The following ERBIN variants were observed in gnomAD, a reference collection of about 807,000 sequenced individuals.
The protein encoded by ERBIN is densin-180-like protein.
ERBIN carries 60 observed loss-of-function variants against 158.4 expected under a neutral mutation model. The observed-to-expected ratio is 0.38, with a 90% CI of 0.31 to 0.47. The LOEUF (loss-of-function observed/expected upper bound fraction) is 0.47, where lower values mean the gene tolerates loss of function less well. Among genes scored for constraint, ERBIN ranks in the 20% least tolerant of loss-of-function variants. The pLI, the probability that ERBIN is intolerant of heterozygous loss-of-function variation, is 0.99. For synonymous variants in ERBIN, 594 were observed against 557.2 expected (o/e 1.07, Z -0.93); for missense variants, 1,610 against 1,648.0 (o/e 0.98, Z 0.40).
chr5:65,981,757 G>A (rs1175133024), intron 1 of ERBIN, among the ~76,000 whole-genome samples: 2 of 152,148 alleles, frequency 1.3e-5, no homozygotes, highest in Non-Finnish European at 2.9e-5. Flanking sequence ...ATGTGAATCA[G>A]CATGTGGTCT....
chr5:66,014,229 C>T (rs1243194527), intron 6 of ERBIN, among the ~76,000 whole-genome samples: 1 of 152,140 alleles, frequency 6.6e-6, no homozygotes, highest in African/African-American at 2.4e-5. Flanking sequence ...ATCACTTAAT[C>T]TGCTCATTTT....
intron 23 of ERBIN, among the ~76,000 whole-genome samples, chr5:66,075,567 C>A (rs976594729): frequency 6.6e-6 from 1 of 152,068 alleles, no homozygotes; most frequent in African/African-American, 2.4e-5. Flanking sequence ...AATCTTAATT[C>A]CTTAGATTTT....
At chr5:66,034,721 G>A (rs1185046596) in intron 14 of ERBIN, among the ~76,000 whole-genome samples, 1 of 151,804 alleles carries the variant, frequency 6.6e-6, no homozygotes, top group African/African-American at 2.4e-5. Context: ...ACACAAATAT[G>A]AGTACAAATT....
chr5:66,051,618 A>C (rs762021427), intron 20 of ERBIN, among the ~76,000 whole-genome samples: 1 of 152,190 alleles, frequency 6.6e-6, no homozygotes, highest in Non-Finnish European at 1.5e-5. Flanking sequence ...TGGGCTGAGC[A>C]TGGTGGCTTA....
In ERBIN at chr5:65,926,899, C is replaced by G. The variant is rs1411248275; in HGVS notation, c.-58+93C>G. On this transcript the variant is annotated intron_variant, in intron 1 of 25. Coordinates refer to ENST00000284037, the MANE Select transcript of ERBIN (RefSeq NM_001253697.2). ...ATTCTTTAGTGTTTTTCACTCTTCT[C>G]CAAGTTGCCCTAAACCCTCCTTTTC... 5 of 152,078 alleles carry G rather than the reference C, an allele frequency of 3.3e-5. No individual in the cohort carries two copies. In the East Asian group the frequency reaches 9.6e-4, roughly 29 times the overall value. 9.4% of individuals were successfully genotyped at this position (152,078 alleles called of 1,614,324 possible).
At position 66,024,317 on chromosome 5, in the gene ERBIN, T is replaced by A; in HGVS notation, c.684T>A (p.Ser228Arg). The change falls in exon 10 of 26, where the codon AGT (serine) becomes AGA (arginine). Residue 228 changes from serine (S) to arginine (R), a missense_variant. Coordinates refer to ENST00000284037, the MANE Select transcript of ERBIN (RefSeq NM_001253697.2). ...TTTTTTACTTATAGTTTATTGGTAG[T>A]TTGAAACAGCTCACATATTTGGATG... The part of the protein sequence containing the change: ...RLTFIPGFIG[S>R]LKQLTYLDVS... The A allele has an allele frequency of 6.5e-7, 1 of 1,534,710 alleles. No homozygotes were observed. Among genetic ancestry groups the A allele is most frequent in the Non-Finnish European group, 8.9e-7 (1 of 1,125,046 alleles).
chr5:66,028,377 CTTA>C, intron 14 of ERBIN, 34 bp downstream of exon 14: 1 of 1,563,298 alleles, frequency 6.4e-7, no homozygotes, highest in Admixed American at 1.7e-5. Flanking sequence ...TAATGGAGTT[CTTA>C]TTTGTGTTAT....
At chr5:66,068,953 A>G (rs961301295) in intron 21 of ERBIN, 10 of 1,535,886 alleles carry the variant, frequency 6.5e-6, no homozygotes, top group East Asian at 4.9e-5. Flanking sequence ...AGGGATCTGC[A>G]TGGCAGCCAG....
intron 21 of ERBIN, among the ~76,000 whole-genome samples, chr5:66,060,362 AT>A (rs1760138286): frequency 6.6e-6 from 1 of 152,128 alleles, no homozygotes; most frequent in African/African-American, 2.4e-5. Context: ...GGTAGTTTGT[AT>A]TTCTGTGGGA....
At chr5:66,042,903 G>C (rs1337689153) in intron 15 of ERBIN, among the ~76,000 whole-genome samples, 174 bp from the exon 16 acceptor site, 2 of 152,092 alleles carry the variant, frequency 1.3e-5, no homozygotes, top group East Asian at 3.8e-4. Flanking sequence ...ATCTTACATG[G>C]ACATTATAAA....
At chr5:66,076,500 T>C in intron 24 of ERBIN, 92 bp downstream of exon 24, 3 of 1,008,300 alleles carry the variant, frequency 3.0e-6, no homozygotes, top group Non-Finnish European at 4.5e-6. Context: ...TAGATGTTTA[T>C]GTAAATCTAG....
intron 1 of ERBIN, among the ~76,000 whole-genome samples, chr5:65,929,961 A>G (rs1470159686): frequency 6.6e-6 from 1 of 152,022 alleles, no homozygotes; most frequent in African/African-American, 2.4e-5. Context: ...CCCATTTTTC[A>G]GATTCACTTT....
intron 1 of ERBIN, among the ~76,000 whole-genome samples, chr5:65,975,942 G>T (rs1166203569): frequency 2.0e-5 from 3 of 152,016 alleles, no homozygotes; most frequent in Non-Finnish European, 2.9e-5. Flanking sequence ...TCATAATTAG[G>T]GTTCTTTCTA....
chr5:66,054,212 C>T lies in ERBIN; in HGVS notation c.2894C>T (p.Pro965Leu). ...PNIIRGPTSG[P>L]QSAPQIYGPP... The stretch of plus-strand genomic sequence containing the variant: ...ATAATAAGAGGCCCCACAAGTGGCC[C>T]ACAATCTGCACCTCAAATATATGGT... The change falls in exon 21 of 26, where the codon CCA becomes CTA. Residue 965 changes from proline (P) to leucine (L), a missense_variant. By Grantham distance (98) the Pro-to-Leu change is moderately conservative (BLOSUM62 -3). Coordinates refer to ENST00000284037, the MANE Select transcript of ERBIN (RefSeq NM_001253697.2). The T allele has an allele frequency of 1.2e-6, 2 of 1,614,086 alleles. No individual in the cohort carries two copies. Among genetic ancestry groups the T allele is most frequent in the Non-Finnish European group, 8.5e-7 (1 of 1,180,026 alleles).
At chr5:66,059,058 T>C (rs1236421111) in intron 21 of ERBIN, among the ~76,000 whole-genome samples, 1 of 152,188 alleles carries the variant, frequency 6.6e-6, no homozygotes, top group Non-Finnish European at 1.5e-5. Context: ...AAGTAGTTTT[T>C]TCCAATTCTG....
intron 17 of ERBIN, 111 bp downstream of exon 17, chr5:66,044,421 A>G: frequency 1.0e-6 from 1 of 996,212 alleles, no homozygotes; most frequent in South Asian, 1.8e-5. Context: ...CATGCACCAC[A>G]GAATGATATT....
chr5:65,937,536 A>G (rs998280071), intron 1 of ERBIN, among the ~76,000 whole-genome samples: 1 of 152,030 alleles, frequency 6.6e-6, no homozygotes, highest in Admixed American at 6.6e-5. Context: ...TGTATATTTA[A>G]TATCTGGAAG....
chr5:66,006,182 T>TA (rs1753577372), intron 4 of ERBIN, among the ~76,000 whole-genome samples: 1 of 152,184 alleles, frequency 6.6e-6, no homozygotes, highest in South Asian at 2.1e-4. Context: ...ATAGTACTGA[T>TA]ACCAAAACAG....
chr5:66,038,613 C>T (rs927365050), intron 15 of ERBIN, 131 bp downstream of exon 15: 78 of 590,180 alleles, frequency 1.3e-4, no homozygotes, highest in Middle Eastern at 6.5e-4. Context: ...CAGTTTGTTT[C>T]GAAATAATGG....
Sources: allele counts gnomAD v4.1 joint callset (sites outside exome capture counted in the v4.1 genomes callset), GRCh38; gene constraint gnomAD v4.1.1; transcripts MANE v1.5; gene names NCBI Gene and HGNC (gene_info 2026-07-23, HGNC 2026-07-21).